The following GARIN3 variants were observed in gnomAD, a reference collection of about 807,000 sequenced individuals.
GARIN3 encodes Golgi-associated RAB2 interactor protein 3.
the GARIN3 span, chr5:157,163,474 C>G: frequency 1.2e-6 from 2 of 1,614,098 alleles, no homozygotes; most frequent in African/African-American, 1.3e-5. Flanking sequence ...ACCTGCTGTC[C>G]TTGCTGCTCC....
At chr5:157,162,407 T>C in the GARIN3 span, 4 of 1,584,718 alleles carry the variant, frequency 2.5e-6, no homozygotes, top group Non-Finnish European at 3.4e-6. Flanking sequence ...CCTCTAGGGA[T>C]ACTTCCAGAT....
the GARIN3 span, among the ~76,000 whole-genome samples, chr5:157,164,230 A>G: frequency 2.3e-4 from 34 of 150,096 alleles, no homozygotes; most frequent in African/African-American, 8.1e-4. Flanking sequence ...GCTCACTGCA[A>G]TCTCCGCCTC....
At chr5:157,164,846 A>G in the GARIN3 span, among the ~76,000 whole-genome samples, 7 of 141,832 alleles carry the variant, frequency 4.9e-5, no homozygotes, top group East Asian at 1.4e-3. Context: ...CCTCATCTCC[A>G]CTAAAAAAAA....
At chr5:157,165,703 G>A in the GARIN3 span, 9 of 1,614,164 alleles carry the variant, frequency 5.6e-6, no homozygotes, top group South Asian at 9.9e-5. Flanking sequence ...TCAGAAGAGG[G>A]ACACAACTGC....
At chr5:157,162,432 A>G in the GARIN3 span, 1 of 1,608,708 alleles carries the variant, frequency 6.2e-7, no homozygotes, top group African/African-American at 1.3e-5. Flanking sequence ...GGGCGGTTGT[A>G]GCCCTGGCTC....
the GARIN3 span, chr5:157,165,602 T>G: frequency 1.9e-6 from 3 of 1,613,890 alleles, no homozygotes; most frequent in African/African-American, 2.7e-5. Context: ...CGTCCCCAGA[T>G]AGAAGTGTTG....
the GARIN3 span, chr5:157,163,042 A>G: frequency 1.9e-6 from 3 of 1,614,166 alleles, no homozygotes; most frequent in East Asian, 4.5e-5. Flanking sequence ...TCGTTCACTC[A>G]TGTAGCCTTC....
chr5:157,165,653 G>A, the GARIN3 span: 21 of 1,614,190 alleles, frequency 1.3e-5, no homozygotes, highest in East Asian at 3.1e-4. Flanking sequence ...TCAGGAGATA[G>A]ACAAGTTTTT....
chr5:157,165,699 G>A, the GARIN3 span: 1 of 1,614,202 alleles, frequency 6.2e-7, no homozygotes, highest in South Asian at 1.1e-5. Flanking sequence ...TGTGTCAGAA[G>A]AGGGACACAA....
the GARIN3 span, chr5:157,162,421 T>C: frequency 6.2e-7 from 1 of 1,602,416 alleles, no homozygotes; most frequent in South Asian, 1.1e-5. Context: ...TCCAGATCCC[T>C]GGGCGGTTGT....
At chr5:157,163,716 C>A in the GARIN3 span, 1 of 1,545,990 alleles carries the variant, frequency 6.5e-7, no homozygotes. Context: ...GAGATCAGAA[C>A]TTTCTACTCC....
At chr5:157,162,419 C>A in the GARIN3 span, 3 of 1,600,764 alleles carry the variant, frequency 1.9e-6, no homozygotes, top group Middle Eastern at 1.7e-4. Context: ...CTTCCAGATC[C>A]CTGGGCGGTT....
At chr5:157,163,642 C>G in the GARIN3 span, 1 of 1,613,692 alleles carries the variant, frequency 6.2e-7, no homozygotes, top group South Asian at 1.1e-5. Context: ...ATCCCCTTCT[C>G]TGTGGAGCTC....
At chr5:157,162,968 C>T in the GARIN3 span, 1 of 1,614,196 alleles carries the variant, frequency 6.2e-7, no homozygotes, top group Non-Finnish European at 8.5e-7. Context: ...TCCTTCTTTT[C>T]TCTTCTTTCC....
the GARIN3 span, chr5:157,162,401 T>C: frequency 6.3e-7 from 1 of 1,578,568 alleles, no homozygotes; most frequent in Non-Finnish European, 8.6e-7. Context: ...TGGGCTCCTC[T>C]AGGGATACTT....
chr5:157,162,772 T>C, the GARIN3 span: 6 of 1,614,240 alleles, frequency 3.7e-6, no homozygotes, highest in Non-Finnish European at 5.1e-6. Context: ...GGTGGAGCTC[T>C]TGCGAGAGGA....
the GARIN3 span, chr5:157,163,267 G>C: frequency 5.6e-6 from 9 of 1,614,174 alleles, no homozygotes; most frequent in Non-Finnish European, 7.6e-6. Context: ...TATGTTGGCA[G>C]CACCTGCCAT....
the GARIN3 span, chr5:157,162,857 CGGACCGGTGGGA>C: frequency 6.2e-7 from 1 of 1,614,164 alleles, no homozygotes; most frequent in Non-Finnish European, 8.5e-7. Context: ...TGGCCAGATG[CGGACCGGTGGGA>C]AGACGCTTTC....
At chr5:157,163,390 G>T in the GARIN3 span, 1 of 1,614,162 alleles carries the variant, frequency 6.2e-7, no homozygotes, top group Non-Finnish European at 8.5e-7. Context: ...AGCACCTGTT[G>T]CAGGACTCAT....
Sources: gnomAD v4.1 joint callset for allele counts (sites outside exome capture counted in the v4.1 genomes callset) on GRCh38, gnomAD v4.1.1 for gene constraint, MANE v1.5 for transcripts, NCBI Gene and HGNC (gene_info 2026-07-23, HGNC 2026-07-21) for gene names.